The following CDKL1 variants were observed in gnomAD, a reference collection of about 807,000 sequenced individuals.
CDKL1 encodes cyclin-dependent kinase-like 1.
CDKL1 carries 41 observed loss-of-function variants against 42.0 expected under a neutral mutation model. That is an observed-to-expected ratio of 0.98 (90% CI 0.76 to 1.27). CDKL1 has a LOEUF of 1.27. Among genes scored for constraint, CDKL1 ranks in the 50% most tolerant of loss-of-function variants. CDKL1 has a pLI of 0.00. For missense variants in CDKL1, 394 were observed against 428.4 expected (o/e 0.92, Z 0.71); for synonymous variants, 153 against 158.6 (o/e 0.96, Z 0.26).
chr14:50,367,294 T>G (rs143290004), intron 2 of CDKL1, among the ~76,000 whole-genome samples: 70 of 152,312 alleles, frequency 4.6e-4, no homozygotes, highest in African/African-American at 1.5e-3. Flanking sequence ...GTGACCTTAT[T>G]GGAAACGGTA....
At chr14:50,381,182 A>G (rs10162481) in intron 2 of CDKL1, among the ~76,000 whole-genome samples, 50,240 of 152,024 alleles carry the variant, frequency 0.33, 8,826 homozygotes, top group African/African-American at 0.42. Flanking sequence ...CTGCCCTACT[A>G]TTCAGGCCAT....
At chr14:50,343,914 T>A in intron 4 of CDKL1, among the ~76,000 whole-genome samples, 1 of 152,250 alleles carries the variant, frequency 6.6e-6, no homozygotes, top group East Asian at 1.9e-4. Flanking sequence ...TCTACTCTCA[T>A]ACTTCCTCCT....
chr14:50,389,879 A>C (rs1047498365), intron 2 of CDKL1, among the ~76,000 whole-genome samples: 7 of 152,224 alleles, frequency 4.6e-5, no homozygotes, highest in Non-Finnish European at 1.0e-4. Flanking sequence ...TGGTATGGGG[A>C]AACCACATGG....
In CDKL1 at chr14:50,359,210, T is replaced by TTTC; in HGVS notation, c.169-62_169-61insGAA. 1.9e-6 allele frequency: 3 copies of TTTC among 1,546,446 alleles called. No individual in the cohort carries two copies. The Admixed American group carries it at 5.7e-5, about 29-fold the overall frequency. On this transcript the variant is annotated intron_variant, in intron 2 of 9. Coordinates refer to ENST00000395834, the MANE Select transcript of CDKL1 (RefSeq NM_004196.7). Reference sequence around the variant, plus strand: ...TTGTGAAAGACAGCTTTCTCTAATCTTGATCCAATAAAAAGTAAGTTGTTT... The same window carrying TTTC: ...TTGTGAAAGACAGCTTTCTCTAATCTTTCTGATCCAATAAAAAGTAAGTTGTTT...
At chr14:50,350,893 A>C (rs930651649) in intron 3 of CDKL1, among the ~76,000 whole-genome samples, 9 of 152,024 alleles carry the variant, frequency 5.9e-5, no homozygotes, top group Non-Finnish European at 7.4e-5. Flanking sequence ...AGCTCCCCAG[A>C]GGCACTCCTT....
rs2035206986 is a variant in CDKL1 at position 50,390,022 on chromosome 14, G to C, written c.168+5679C>G. ...TATCTACCTTCTAAGGTTGTTATTAGTGTAACGATATCTACCTTCTAAGGT... is the reference window on the plus strand; with the variant it reads ...TATCTACCTTCTAAGGTTGTTATTACTGTAACGATATCTACCTTCTAAGGT... On this transcript the variant is annotated intron_variant, in intron 2 of 9. Transcript: ENST00000395834. The C allele has an allele frequency of 2.2e-5, 13 of 578,994 alleles. No homozygotes were observed. The Admixed American group carries it at 2.5e-4, about 11-fold the overall frequency. The allele number at this position is 578,994 out of a possible 1,614,324, so 35.9% of individuals were successfully genotyped here.
chr14:50,350,626 C>A (rs774559951), intron 3 of CDKL1, among the ~76,000 whole-genome samples: 4 of 152,204 alleles, frequency 2.6e-5, no homozygotes, highest in African/African-American at 9.6e-5. Flanking sequence ...GCCTTTTGGA[C>A]TCCCAGCCAG....
intron 2 of CDKL1, chr14:50,376,262 T>G: frequency 2.4e-6 from 1 of 419,830 alleles, no homozygotes; most frequent in East Asian, 7.1e-5. Flanking sequence ...CTCTACTATC[T>G]TCTAGTTTTT....
intron 2 of CDKL1, among the ~76,000 whole-genome samples, chr14:50,371,046 C>T (rs2034577036): frequency 6.6e-6 from 1 of 152,210 alleles, no homozygotes; most frequent in South Asian, 2.1e-4. Context: ...GCATAATGTT[C>T]CCCAATTTCA....
chr14:50,395,741 A>T lies in CDKL1; in HGVS notation c.128T>A (p.Val43Asp). 1 of 1,613,900 alleles carries T rather than the reference A, an allele frequency of 6.2e-7. No individual in the cohort carries two copies. Among genetic ancestry groups the T allele is most frequent in the Non-Finnish European group, 8.5e-7 (1 of 1,179,780 alleles). Residue 43 changes from valine (V) to aspartate (D), a missense_variant, in exon 2 of 10, where the codon GTC becomes GAC. Val to Asp is a radical substitution (Grantham distance 152). Transcript: ENST00000395834. ...TTCCCGAAGGGCAATTTTCTTTATGACAGGGTCATCTTCTGATTCCAGAAA... is the reference window on the plus strand; with the variant it reads ...TTCCCGAAGGGCAATTTTCTTTATGTCAGGGTCATCTTCTGATTCCAGAAA... ...KKFLESEDDP[V>D]IKKIALREIR...
At chr14:50,360,192 T>C (rs2034195099) in intron 2 of CDKL1, among the ~76,000 whole-genome samples, 1 of 152,204 alleles carries the variant, frequency 6.6e-6, no homozygotes, top group South Asian at 2.1e-4. Context: ...CCCTGATTTT[T>C]AGAACTGTGG....
At chr14:50,368,769 A>C (rs2034501822) in intron 2 of CDKL1, among the ~76,000 whole-genome samples, 1 of 151,420 alleles carries the variant, frequency 6.6e-6, no homozygotes, top group Non-Finnish European at 1.5e-5. Flanking sequence ...TTGGGCACCC[A>C]TCTGTTCTGA....
At chr14:50,396,397 G>A in intron 1 of CDKL1, 68 bp from the exon 2 acceptor site, 3 of 985,738 alleles carry the variant, frequency 3.0e-6, no homozygotes, top group Non-Finnish European at 3.6e-6. Flanking sequence ...ACGCGATCAG[G>A]AGTAACAGCC....
Position 50,390,081 on chromosome 14 carries a change from AATG to A in CDKL1, c.168+5617_168+5619del. The A allele has an allele frequency of 2.8e-6, 3 of 1,054,784 alleles. No individual in the cohort carries two copies. In the South Asian group the frequency reaches 3.7e-5, roughly 13 times the overall value. 65.3% of individuals were successfully genotyped at this position (1,054,784 alleles called of 1,614,324 possible). On this transcript the variant is annotated intron_variant, in intron 2 of 9. Coordinates refer to ENST00000395834, the MANE Select transcript of CDKL1 (RefSeq NM_004196.7). ...GTGTAATTTGTGCATCCTAAGTAACAATGATACTTGGCAGTTTGTCCAAATTTA... is the reference window on the plus strand; with the variant it reads ...GTGTAATTTGTGCATCCTAAGTAACAATACTTGGCAGTTTGTCCAAATTTA...
intron 2 of CDKL1, among the ~76,000 whole-genome samples, chr14:50,383,795 G>T (rs899304170): frequency 6.6e-6 from 1 of 152,220 alleles, no homozygotes; most frequent in African/African-American, 2.4e-5. Context: ...ACAGATGGTG[G>T]TATGTGCTTA....
intron 3 of CDKL1, among the ~76,000 whole-genome samples, chr14:50,354,812 A>G (rs2034009051): frequency 6.6e-6 from 1 of 152,190 alleles, no homozygotes; most frequent in Admixed American, 6.5e-5. Flanking sequence ...TAAGAAGATG[A>G]ATTAGTGTCC....
chr14:50,375,424 T>G (rs1757265040), intron 2 of CDKL1, among the ~76,000 whole-genome samples: 1 of 152,238 alleles, frequency 6.6e-6, no homozygotes, highest in African/African-American at 2.4e-5. Context: ...TCTCCCTCTG[T>G]AGGAGTGCGC....
chr14:50,350,330 A>T (rs1283977362), intron 3 of CDKL1, among the ~76,000 whole-genome samples: 1 of 152,224 alleles, frequency 6.6e-6, no homozygotes, highest in Non-Finnish European at 1.5e-5. Context: ...TCTAGGGCAG[A>T]GTGGGGAAGG....
rs77283173 is a variant in CDKL1, at chr14:50,360,086, C to T, written c.169-937G>A. Among the ~76,000 whole-genome samples, 349 of 152,294 alleles carry T rather than the reference C, an allele frequency of 2.3e-3. 5 individuals carry two copies. Among genetic ancestry groups the T allele is most frequent in the African/African-American group, 8.0e-3 (334 of 41,558 alleles). ...TTGTACGATTTAACACTTGGCAGATCGCTCCTCTTTTTCCAAATATTCTTT... is the reference window on the plus strand; with the variant it reads ...TTGTACGATTTAACACTTGGCAGATTGCTCCTCTTTTTCCAAATATTCTTT... On this transcript the variant is annotated intron_variant, in intron 2 of 9. Transcript: ENST00000395834.
Sources: gnomAD v4.1 joint callset for allele counts (sites outside exome capture counted in the v4.1 genomes callset) on GRCh38, gnomAD v4.1.1 for gene constraint, MANE v1.5 for transcripts, NCBI Gene and HGNC (gene_info 2026-07-23, HGNC 2026-07-21) for gene names.